Variants in ZDHHC6 observed in about 807,000 individuals in gnomAD.
ZDHHC6 encodes the protein zDHHC palmitoyltransferase 6, also known as palmitoyltransferase ZDHHC6.
In ZDHHC6, 32 loss-of-function variants were observed where a neutral mutation model predicts 57.8. The observed-to-expected ratio is 0.55, with a 90% confidence interval of 0.42 to 0.74. The LOEUF (loss-of-function observed/expected upper bound fraction) is 0.74, where lower values mean the gene tolerates loss of function less well. Ranked by LOEUF, ZDHHC6 falls within the 30% of genes least tolerant of loss-of-function variation. ZDHHC6 has a pLI of 0.00. For missense variants in ZDHHC6, 433 were observed against 500.7 expected (o/e 0.86, Z 1.29); for synonymous variants, 128 against 158.0 (o/e 0.81, Z 1.42).
chr10:112,447,256 C>G, upstream of ZDHHC6: 1 of 1,089,002 alleles, frequency 9.2e-7, no homozygotes, highest in Non-Finnish European at 1.3e-6. Flanking sequence ...GTCCCCGGTT[C>G]TCCGTTCTGC....
upstream of ZDHHC6, chr10:112,447,175 C>G (rs112946836): frequency 3.6e-6 from 2 of 552,636 alleles, no homozygotes; most frequent in African/African-American, 1.9e-5. Context: ...GAAAATAAAG[C>G]ACGCACGCAA....
intron 6 of ZDHHC6, among the ~76,000 whole-genome samples, chr10:112,435,569 C>T (rs182937322): frequency 6.6e-6 from 1 of 152,170 alleles, no homozygotes; most frequent in East Asian, 1.9e-4. Flanking sequence ...TATCAGGGGA[C>T]AATGTTTTAT....
In ZDHHC6 at chr10:112,433,265, T is replaced by C; in HGVS notation, c.920A>G (p.Gln307Arg). 1.3e-6 allele frequency: 2 copies of C among 1,587,458 alleles called. No homozygotes were observed. Among genetic ancestry groups the C allele is most frequent in the Non-Finnish European group, 8.5e-7 (1 of 1,169,652 alleles). Residue 307 changes from glutamine to arginine, a missense_variant, in exon 8 of 11, where the codon CAA becomes CGA. Coordinates refer to ENST00000369405, the MANE Select transcript of ZDHHC6 (RefSeq NM_022494.3). ...ACTTCTGACTCTCTTATCTGCTTTTTGTTTCAACTGTTCTATCTGTTTGGA... is the reference window on the plus strand; with the variant it reads ...ACTTCTGACTCTCTTATCTGCTTTTCGTTTCAACTGTTCTATCTGTTTGGA... ...QYSLTIEQLK[Q>R]KADKRVRSVR...
chr10:112,432,146 A>T, intron 10 of ZDHHC6, 94 bp downstream of exon 10: 1 of 1,243,398 alleles, frequency 8.0e-7, no homozygotes, highest in Non-Finnish European at 1.1e-6. Context: ...CCCCTAATGC[A>T]TTAGGCATGA....
At chr10:112,439,335 A>G (rs1272073762) in intron 5 of ZDHHC6, among the ~76,000 whole-genome samples, 1 of 152,122 alleles carries the variant, frequency 6.6e-6, no homozygotes, top group East Asian at 1.9e-4. Context: ...GCAATAAGTC[A>G]TAAGAATGGT....
intron 5 of ZDHHC6, among the ~76,000 whole-genome samples, chr10:112,439,628 T>A (rs952737352): frequency 1.3e-4 from 4 of 31,296 alleles, no homozygotes; most frequent in African/African-American, 6.6e-4. Context: ...AGACTCCGTC[T>A]AAAAAAAAAA....
chr10:112,427,190 C>T (rs1414079101), downstream of ZDHHC6: 1 of 1,597,332 alleles, frequency 6.3e-7, no homozygotes, highest in South Asian at 1.1e-5. Context: ...CACTAATGAG[C>T]ATGGATGTGT....
At position 112,445,397 on chromosome 10, in the gene ZDHHC6, G is replaced by C; in HGVS notation, c.40C>G (p.Gln14Glu). 1 of 1,614,136 alleles carries C rather than the reference G, an allele frequency of 6.2e-7. No homozygotes were observed. Among genetic ancestry groups the C allele is most frequent in the Non-Finnish European group, 8.5e-7 (1 of 1,180,020 alleles). ...CAGTGACACAGTCTCTTTAATTCTT[G>C]TAGATTTTCAAACTTGATAACCGAA... Reference protein sequence around the residue: ...FCSVIKFENLQELKRLCHWGP... With the variant: ...FCSVIKFENLEELKRLCHWGP... The change falls in exon 2 of 11, where the codon CAA (glutamine) becomes GAA (glutamate). Residue 14 changes from glutamine (Q) to glutamate (E), a missense_variant. Transcript: ENST00000369405.
chr10:112,436,538 T>A (rs1779938043), intron 6 of ZDHHC6, among the ~76,000 whole-genome samples: 1 of 152,222 alleles, frequency 6.6e-6, no homozygotes, highest in African/African-American at 2.4e-5. Context: ...AGCTCAGACT[T>A]CAACCTGTAC....
chr10:112,427,162 C>T, downstream of ZDHHC6: 4 of 1,555,040 alleles, frequency 2.6e-6, no homozygotes, highest in Non-Finnish European at 3.5e-6. Flanking sequence ...TCAGGGGGCT[C>T]TGCAGAGAAG....
At chr10:112,429,979 T>C (rs765077637), downstream of ZDHHC6, among the ~76,000 whole-genome samples, 22 of 81,390 alleles carry the variant, frequency 2.7e-4, no homozygotes, top group African/African-American at 1.1e-3. Context: ...GGGGGGGGTG[T>C]GGGGGGGGTA....
At chr10:112,429,343 G>T (rs1354183537), downstream of ZDHHC6, among the ~76,000 whole-genome samples, 1 of 152,088 alleles carries the variant, frequency 6.6e-6, no homozygotes, top group Non-Finnish European at 1.5e-5. Flanking sequence ...GCCTGTTTTT[G>T]TTCTTGCTGC....
At position 112,430,810 on chromosome 10, in the gene ZDHHC6, A is replaced by G; in HGVS notation, c.1236T>C (p.Asn412=). 6.2e-7 allele frequency: 1 copy of G among 1,611,670 alleles called. No individual in the cohort carries two copies. Among genetic ancestry groups the G allele is most frequent in the Non-Finnish European group, 8.5e-7 (1 of 1,179,214 alleles). Residue 412 remains asparagine, a synonymous_variant, in exon 11 of 11, where the codon AAT becomes AAC. Coordinates refer to ENST00000369405, the MANE Select transcript of ZDHHC6 (RefSeq NM_022494.3). ...TDQAPEGEKK[N]R ...AATTTTGTTTTAACAGCAGCTATCT[A>G]TTTTTCTTCTCCCCCTCTGGGGCTT...
Position 112,430,772 on chromosome 10 carries a change from A to C in ZDHHC6, c.*32T>G. Reference sequence around the variant, plus strand: ...ATGTACAATTTTCAAGTAATTAAGCAGACTTAAAGGATAATTTTGTTTTAA... The same window carrying C: ...ATGTACAATTTTCAAGTAATTAAGCCGACTTAAAGGATAATTTTGTTTTAA... On this transcript the variant is annotated 3_prime_UTR_variant, in exon 11 of 11. Coordinates refer to ENST00000369405, the MANE Select transcript of ZDHHC6 (RefSeq NM_022494.3). 3 of 1,572,864 alleles carry C rather than the reference A, an allele frequency of 1.9e-6. No individual in the cohort carries two copies. Among genetic ancestry groups the C allele is most frequent in the Middle Eastern group, 1.7e-4 (1 of 5,962 alleles).
intron 8 of ZDHHC6, among the ~76,000 whole-genome samples, chr10:112,432,829 T>A (rs1474288751): frequency 6.6e-6 from 1 of 152,234 alleles, no homozygotes; most frequent in Non-Finnish European, 1.5e-5. Flanking sequence ...CAGCAGCACT[T>A]GACACATGTA....
intron 5 of ZDHHC6, among the ~76,000 whole-genome samples, chr10:112,439,967 G>A (rs1024848650): frequency 6.6e-6 from 1 of 152,012 alleles, no homozygotes; most frequent in Non-Finnish European, 1.5e-5. Flanking sequence ...CACATAATAA[G>A]TGCTCAATAA....
chr10:112,429,973 G>A (rs867386830), downstream of ZDHHC6, among the ~76,000 whole-genome samples: 3 of 151,514 alleles, frequency 2.0e-5, no homozygotes, highest in African/African-American at 7.3e-5. Flanking sequence ...TGTTGGGGGG[G>A]GGGTGTGGGG....
chr10:112,430,969 G>GCTTT, intron 10 of ZDHHC6, 62 bp from the exon 11 acceptor site: 2 of 1,364,858 alleles, frequency 1.5e-6, no homozygotes, highest in Non-Finnish European at 2.1e-6. Context: ...ATTACTGAAA[G>GCTTT]CAGTAAGTCC....
intron 7 of ZDHHC6, 49 bp from the exon 8 acceptor site, chr10:112,433,330 T>C: frequency 6.8e-7 from 1 of 1,465,038 alleles, no homozygotes; most frequent in Non-Finnish European, 9.1e-7. Context: ...TGTCTCAATG[T>C]TGAAAAATCG....
Sources: gnomAD v4.1 joint callset for allele counts (sites outside exome capture counted in the v4.1 genomes callset) on GRCh38, gnomAD v4.1.1 for gene constraint, MANE v1.5 for transcripts, NCBI Gene and HGNC (gene_info 2026-07-23, HGNC 2026-07-21) for gene names.